ADAMTS2: variants seen among roughly 807,000 people sequenced by gnomAD.
ADAMTS2 encodes the protein ADAM metallopeptidase with thrombospondin type 1 motif 2.
Under a neutral mutation model 123.0 loss-of-function variants are expected in ADAMTS2, and 50 were observed. The ratio of observed to expected loss-of-function variants is 0.41; its 90% CI spans 0.32 to 0.51. The LOEUF is 0.51. Ranked by LOEUF, ADAMTS2 falls within the 20% of genes least tolerant of loss-of-function variation. ADAMTS2 has a pLI of 0.35. For missense variants in ADAMTS2, 1,494 were observed against 1,705.2 expected, an observed-to-expected ratio of 0.88 and a Z score of 2.18; for synonymous variants, 678 against 695.4, an observed-to-expected ratio of 0.98 and a Z score of 0.39.
intron 4 of ADAMTS2, among the ~76,000 whole-genome samples, chr5:179,186,290 T>A (rs1482392053): frequency 6.6e-6 from 1 of 152,202 alleles, no homozygotes; most frequent in Non-Finnish European, 1.5e-5. Context: ...CTCCTGCCCC[T>A]GCGTGTGCTA....
Position 179,201,730 on chromosome 5 carries a change from A to G in ADAMTS2, c.891+5783T>C, listed in dbSNP as rs572943017. Among the ~76,000 whole-genome samples the G allele has an allele frequency of 1.6e-4, 24 of 151,306 alleles. 1 individual carries two copies. In the South Asian group the frequency reaches 3.8e-3, roughly 24 times the overall value. On this transcript the variant is annotated intron_variant, in intron 4 of 21. Coordinates refer to ENST00000251582, the MANE Select transcript of ADAMTS2 (RefSeq NM_014244.5). The stretch of plus-strand genomic sequence containing the variant: ...GGCAGGAGAATCGTTTGAACTCGGG[A>G]GGAAGAGGTTGCAGTGAGCCAAGAT...
chr5:179,227,034 T>C (rs1022737792), intron 3 of ADAMTS2, among the ~76,000 whole-genome samples: 6 of 151,916 alleles, frequency 3.9e-5, no homozygotes, highest in African/African-American at 1.5e-4. Context: ...CAGGAAAAAG[T>C]CAGAAAAACG....
In ADAMTS2 at chr5:179,314,156, C is replaced by G. The variant is rs1201292566; in HGVS notation, c.534+29611G>C. ...ACGGAGGCTTCGGATTGGGCGCAGC[C>G]TGGGAGCACACAGACCGGCCAGGGC... On this transcript the variant is annotated intron_variant, in intron 2 of 21. Coordinates refer to ENST00000251582, the MANE Select transcript of ADAMTS2 (RefSeq NM_014244.5). The surrounding 1 kb of genome is among the most constrained non-coding windows in gnomAD (Gnocchi z 4.5). Among the ~76,000 whole-genome samples the G allele has an allele frequency of 6.6e-6, 1 of 152,276 alleles. No individual in the cohort carries two copies. The highest frequency in any genetic ancestry group is 1.5e-5 in the Non-Finnish European group (1 of 68,046).
In ADAMTS2 at chr5:179,225,236, A is replaced by G. The variant is rs1765253526; in HGVS notation, c.689-17521T>C. On this transcript the variant is annotated intron_variant, in intron 3 of 21. Coordinates refer to ENST00000251582, the MANE Select transcript of ADAMTS2 (RefSeq NM_014244.5). This position sits in a 1 kb window ranked among gnomAD's most constrained non-coding sequence, Gnocchi z 4.5. ...ACCCACATCATGTGCGCTTCAGACA[A>G]AGGACTAATTTCCTTAATACATAAA... Among the ~76,000 whole-genome samples, 1 of 152,242 alleles carries G rather than the reference A, an allele frequency of 6.6e-6. No homozygotes were observed. Among genetic ancestry groups the G allele is most frequent in the Non-Finnish European group, 1.5e-5 (1 of 68,048 alleles).
Position 179,113,598 on chromosome 5 carries a change from G to A in ADAMTS2, c.*269C>T, listed in dbSNP as rs907548094. On this transcript the variant is annotated 3_prime_UTR_variant, in exon 22 of 22. Transcript: ENST00000251582. ...TGATCCCTCTTGCCCTGCCCTCACT[G>A]AGGGAGGCCATACAGCCTCTATATT... 3 of 509,690 alleles carry A rather than the reference G, an allele frequency of 5.9e-6. No individual in the cohort carries two copies. The highest frequency in any genetic ancestry group is 1.1e-5 in the Non-Finnish European group (3 of 281,794). 31.6% of individuals were successfully genotyped at this position (509,690 alleles called of 1,614,324 possible).
chr5:179,277,325 C>CCCCA, intron 2 of ADAMTS2, among the ~76,000 whole-genome samples: 1 of 52,894 alleles, frequency 1.9e-5, no homozygotes, highest in Non-Finnish European at 3.3e-5. Flanking sequence ...GCTGACACCC[C>CCCCA]GAGACCAAAG....
In ADAMTS2 at chr5:179,189,589, C is replaced by T. The variant is rs1764256775; in HGVS notation, c.892-8434G>A. On this transcript the variant is annotated intron_variant, in intron 4 of 21. Transcript: ENST00000251582. This position sits in a 1 kb window ranked among gnomAD's most constrained non-coding sequence, Gnocchi z 4.2. Reference sequence around the variant, plus strand: ...AGCCAGGATGGTCTTGATCTCCTGACTTCATGATCTGCCCGCCTCGGCCTC... The same window carrying T: ...AGCCAGGATGGTCTTGATCTCCTGATTTCATGATCTGCCCGCCTCGGCCTC... 7.5e-6 allele frequency among the ~76,000 whole-genome samples: 1 copy of T among 133,366 alleles called. No homozygotes were observed. Among genetic ancestry groups the T allele is most frequent in the South Asian group, 2.7e-4 (1 of 3,768 alleles). The allele number at this position is 133,366 out of a possible 152,430, so 87.5% of individuals were successfully genotyped here. A position where few individuals can be genotyped will look rare whatever the true frequency, so the allele number is the denominator to read the frequency against.
At chr5:179,191,267 G>A (rs1478179442) in intron 4 of ADAMTS2, among the ~76,000 whole-genome samples, 1 of 152,198 alleles carries the variant, frequency 6.6e-6, no homozygotes, top group African/African-American at 2.4e-5. Context: ...CTGGAACTCT[G>A]CTGAGCTTGT....
intron 10 of ADAMTS2, among the ~76,000 whole-genome samples, chr5:179,142,539 C>T (rs1763189023): frequency 3.3e-5 from 5 of 152,198 alleles, no homozygotes; most frequent in Non-Finnish European, 5.9e-5. Flanking sequence ...AGCAATCAAT[C>T]GCACTAGCTG....
chr5:179,198,399 C>G (rs888526637), intron 4 of ADAMTS2, among the ~76,000 whole-genome samples: 3 of 152,212 alleles, frequency 2.0e-5, no homozygotes, highest in African/African-American at 7.2e-5. Flanking sequence ...AAGGGAGACC[C>G]CTCTGCCCTT....
At position 179,113,923 on chromosome 5, in the gene ADAMTS2, T is replaced by C; in HGVS notation, c.3580A>G (p.Arg1194Gly). The change falls in exon 22 of 22, where the codon AGA (arginine) becomes GGA (glycine). Residue 1194 changes from arginine to glycine, a missense_variant. Arg to Gly is a moderately radical substitution (Grantham distance 125). This residue lies in a region of ADAMTS2 where 953 missense variants were observed against 1,124.7 expected (regional missense o/e 0.85). Coordinates refer to ENST00000251582, the MANE Select transcript of ADAMTS2 (RefSeq NM_014244.5). ...PSPYEKTRNQ[R>G]IQELIDEMRK... ...ATCTCATCAATGAGCTCTTGGATTC[T>C]TTGGTTTCTGGTCTTTTCATAGGGG... 1 of 1,614,236 alleles carries C rather than the reference T, an allele frequency of 6.2e-7. No homozygotes were observed. The highest frequency in any genetic ancestry group is 1.1e-5 in the South Asian group (1 of 91,088).
intron 3 of ADAMTS2, among the ~76,000 whole-genome samples, chr5:179,236,372 C>T (rs1161425039): frequency 2.6e-5 from 4 of 152,218 alleles, no homozygotes; most frequent in African/African-American, 9.7e-5. Context: ...ATCAAATTCA[C>T]CAGGAAATCC....
chr5:179,308,281 C>T lies in ADAMTS2; in HGVS notation c.535-35217G>A, dbSNP rs1025356842. Among the ~76,000 whole-genome samples, 3 of 152,294 alleles carry T rather than the reference C, an allele frequency of 2.0e-5. No individual in the cohort carries two copies. The highest frequency in any genetic ancestry group is 4.1e-4 in the South Asian group (2 of 4,822). ...ACACAATTGTCTTAGCAGCAGGAGACGCTGATGGGATGTCGGGAGTCACCA... is the reference window on the plus strand; with the variant it reads ...ACACAATTGTCTTAGCAGCAGGAGATGCTGATGGGATGTCGGGAGTCACCA... On this transcript the variant is annotated intron_variant, in intron 2 of 21. Transcript: ENST00000251582. The surrounding 1 kb of genome is among the most constrained non-coding windows in gnomAD (Gnocchi z 6.6).
rs1039535426 is a variant in ADAMTS2, at chr5:179,228,293, T to C, written c.689-20578A>G. Among the ~76,000 whole-genome samples the C allele has an allele frequency of 1.6e-4, 25 of 152,164 alleles. No homozygotes were observed. The highest frequency in any genetic ancestry group is 5.5e-4 in the African/African-American group (23 of 41,522). On this transcript the variant is annotated intron_variant, in intron 3 of 21. Transcript: ENST00000251582. This position sits in a 1 kb window ranked among gnomAD's most constrained non-coding sequence, Gnocchi z 5.2. ...GGCCACAGCCCACAAGTAAGACACA[T>C]AGAAAACCTGAGGCCCACAGAGGTG...
intron 2 of ADAMTS2, among the ~76,000 whole-genome samples, chr5:179,324,236 G>T (rs1377536390): frequency 6.6e-6 from 1 of 152,126 alleles, no homozygotes; most frequent in Non-Finnish European, 1.5e-5. Context: ...ACCATTCTGT[G>T]AACATACTAA....
chr5:179,167,764 C>T (rs1221716389), intron 5 of ADAMTS2, among the ~76,000 whole-genome samples: 3 of 152,238 alleles, frequency 2.0e-5, no homozygotes. Context: ...TTACTTGTCC[C>T]CACCTGCAAA....
At chr5:179,255,845 C>T (rs1293566770) in intron 3 of ADAMTS2, among the ~76,000 whole-genome samples, 1 of 152,208 alleles carries the variant, frequency 6.6e-6, no homozygotes, top group Non-Finnish European at 1.5e-5. Flanking sequence ...GGCTCTGCAG[C>T]AGCAGGCAGG....
rs1757059937 is a variant in ADAMTS2, at chr5:179,318,386, A to G, written c.534+25381T>C. Among the ~76,000 whole-genome samples the G allele has an allele frequency of 4.0e-5, 6 of 148,766 alleles. 1 individual carries two copies. Among genetic ancestry groups the G allele is most frequent in the Admixed American group, 4.0e-4 (6 of 15,038 alleles). ...CAAGACAGGGAGGAGAGGCGGGGCC[A>G]GCTAGACAGGGGATGGGGAGAGAAG... is the stretch of plus-strand genomic sequence containing the variant. On this transcript the variant is annotated intron_variant, in intron 2 of 21. Coordinates refer to ENST00000251582, the MANE Select transcript of ADAMTS2 (RefSeq NM_014244.5).
intron 10 of ADAMTS2, among the ~76,000 whole-genome samples, chr5:179,142,545 A>G (rs1019874662): frequency 5.3e-5 from 8 of 152,230 alleles, no homozygotes; most frequent in African/African-American, 1.9e-4. Flanking sequence ...CAATCGCACT[A>G]GCTGTTAGTA....
Sources: gnomAD v4.1 joint callset for allele counts (sites outside exome capture counted in the v4.1 genomes callset) on GRCh38, gnomAD v4.1.1 for gene constraint, gnomAD v4.1.1 regional missense constraint, Gnocchi (gnomAD v3.1) non-coding constraint, MANE v1.5 for transcripts, NCBI Gene and HGNC (gene_info 2026-07-23, HGNC 2026-07-21) for gene names.